The following ZNF343 variants were observed in gnomAD, a reference collection of about 807,000 sequenced individuals.
ZNF343 encodes zinc finger protein 343.
In ZNF343, 11 loss-of-function variants were observed where a neutral mutation model predicts 13.8. The observed-to-expected ratio is 0.80, with a 90% CI of 0.50 to 1.32. The LOEUF (loss-of-function observed/expected upper bound fraction) is 1.32, where lower values mean the gene tolerates loss of function less well. Among genes scored for constraint, ZNF343 ranks in the 40% most tolerant of loss-of-function variants. ZNF343 has a pLI of 0.00. For synonymous variants in ZNF343, 248 were observed against 260.0 expected, an observed-to-expected ratio of 0.95 and a Z score of 0.44; for missense variants, 658 against 714.2, an observed-to-expected ratio of 0.92 and a Z score of 0.90.
At chr20:2,510,922 G>C (rs531458878), upstream of ZNF343, among the ~76,000 whole-genome samples, 2 of 152,208 alleles carry the variant, frequency 1.3e-5, no homozygotes, top group Non-Finnish European at 2.9e-5. Context: ...GGAAGGAGGT[G>C]ATTGGTTAGG....
chr20:2,523,438 C>T (rs2085791057), intron 1 of ZNF343, among the ~76,000 whole-genome samples: 1 of 152,018 alleles, frequency 6.6e-6, no homozygotes, highest in Non-Finnish European at 1.5e-5. Context: ...TATGGACTCG[C>T]AGGGAATTCT....
rs138300695 is a variant in ZNF343, at chr20:2,503,843, C to T, written c.-236-3101G>A. Among the ~76,000 whole-genome samples, 1,168 of 151,870 alleles carry T rather than the reference C, an allele frequency of 7.7e-3. 19 individuals are homozygous for T. The highest frequency in any genetic ancestry group is 0.026 in the African/African-American group (1,066 of 41,402). On this transcript the variant is annotated intron_variant, in intron 1 of 5. Transcript: ENST00000278772. ...AGGGAAATTTATAGCACTAAATGCC[C>T]ACAAGAGAAAGCAGGAAAAATCTAA...
chr20:2,492,703 TGA>T lies in ZNF343; in HGVS notation c.298_299del (p.Ser100IlefsTer47). 1 of 1,610,958 alleles carries T rather than the reference TGA, an allele frequency of 6.2e-7. No individual in the cohort carries two copies. Among genetic ancestry groups the T allele is most frequent in the Non-Finnish European group, 8.5e-7 (1 of 1,179,208 alleles). Reference protein sequence around the residue: ...VMLENYRNLLSLAEPKPEIYT... With the variant: ...VMLENYRNLLXLAEPKPEIYT... ...AAGGAAAGAACACAGCCTTACCCAA[TGA>T]GAGAAGATTCCTGTAATTCTCCAGC... On this transcript the variant is annotated frameshift_variant, in exon 5 of 6. Transcript: ENST00000278772. LOFTEE classifies it low-confidence loss of function (END_TRUNC).
chr20:2,487,011 TC>T (rs949532738), intron 5 of ZNF343, among the ~76,000 whole-genome samples: 1 of 152,172 alleles, frequency 6.6e-6, no homozygotes, highest in Non-Finnish European at 1.5e-5. Context: ...AATTCATTGT[TC>T]CAAAAAAACT....
intron 5 of ZNF343, chr20:2,491,895 C>A (rs1009498718): frequency 1.3e-5 from 2 of 152,022 alleles, no homozygotes; most frequent in African/African-American, 4.8e-5. Flanking sequence ...CACTCTGTCA[C>A]CAGGCTGGAG....
chr20:2,493,977 T>C lies in ZNF343; in HGVS notation c.-82A>G, dbSNP rs949592160. ...GTTATTTCATCTCAAGATGGAGTTCTGCTGCCTGTGGTGACTTCTTCCAAC... is the reference window on the plus strand; with the variant it reads ...GTTATTTCATCTCAAGATGGAGTTCCGCTGCCTGTGGTGACTTCTTCCAAC... On this transcript the variant is annotated 5_prime_UTR_variant, in exon 3 of 6. Transcript: ENST00000278772. The C allele has an allele frequency of 2.1e-6, 2 of 965,594 alleles. No individual in the cohort carries two copies. The highest frequency in any genetic ancestry group is 3.2e-5 in the African/African-American group (2 of 62,094). The allele number at this position is 965,594 out of a possible 1,614,324, so 59.8% of individuals were successfully genotyped here. A position where few individuals can be genotyped will look rare whatever the true frequency, so the allele number is the denominator to read the frequency against.
Position 2,508,409 on chromosome 20 carries a change from C to G in ZNF343, c.-237+472G>C, listed in dbSNP as rs1353447486. ...CAAAAAACAGAAAAACTCGGTGATG[C>G]AGGACTCAAGACGCTCCCCAGCCAA... is the stretch of plus-strand genomic sequence containing the variant. On this transcript the variant is annotated intron_variant, in intron 1 of 5. Transcript: ENST00000278772. The surrounding 1 kb of genome is among the most constrained non-coding windows in gnomAD (Gnocchi z 4.5). Among the ~76,000 whole-genome samples the G allele has an allele frequency of 1.3e-5, 2 of 152,026 alleles. No homozygotes were observed. Among genetic ancestry groups the G allele is most frequent in the Admixed American group, 6.6e-5 (1 of 15,264 alleles).
upstream of ZNF343, among the ~76,000 whole-genome samples, chr20:2,510,919 G>T (rs1339494018): frequency 1.3e-5 from 2 of 152,120 alleles, no homozygotes; most frequent in African/African-American, 4.8e-5. Context: ...ACAGGAAGGA[G>T]GTGATTGGTT....
chr20:2,492,905 A>G, intron 4 of ZNF343, 80 bp from the exon 5 acceptor site: 1 of 1,581,716 alleles, frequency 6.3e-7, no homozygotes, highest in Non-Finnish European at 8.5e-7. Context: ...GTGACCCTGG[A>G]GAGCCTGGAT....
upstream of ZNF343, among the ~76,000 whole-genome samples, chr20:2,513,336 C>A (rs2085746243): frequency 6.6e-6 from 1 of 152,064 alleles, no homozygotes; most frequent in Non-Finnish European, 1.5e-5. Flanking sequence ...TAACTGCATA[C>A]AAAACAGCCA....
chr20:2,509,763 A>ACCTTCAGC (rs1378484996), upstream of ZNF343, among the ~76,000 whole-genome samples: 1 of 152,212 alleles, frequency 6.6e-6, no homozygotes, highest in Non-Finnish European at 1.5e-5. Flanking sequence ...TGCAGATCAG[A>ACCTTCAGC]CCTTCAGCTC....
At position 2,500,686 on chromosome 20, in the gene ZNF343, CT is replaced by C. The variant is rs2085547065; in HGVS notation, c.-181del. ...AGGAAGTTCTCGGGAGCACAGAAGT[CT>C]TTCCTTTCTCAAGAGATCGTCCTCT... On this transcript the variant is annotated 5_prime_UTR_variant, in exon 2 of 6. Coordinates refer to ENST00000278772, the MANE Select transcript of ZNF343 (RefSeq NM_024325.6). 6.6e-6 allele frequency: 1 copy of C among 152,206 alleles called. No homozygotes were observed. Among genetic ancestry groups the C allele is most frequent in the Non-Finnish European group, 1.5e-5 (1 of 68,060 alleles). The allele number at this position is 152,206 out of a possible 1,614,324, so 9.4% of individuals were successfully genotyped here.
chr20:2,508,081 C>T lies in ZNF343; in HGVS notation c.-237+800G>A, dbSNP rs1002051878. Among the ~76,000 whole-genome samples, 3 of 152,148 alleles carry T rather than the reference C, an allele frequency of 2.0e-5. No individual in the cohort carries two copies. Among genetic ancestry groups the T allele is most frequent in the South Asian group, 4.1e-4 (2 of 4,822 alleles). On this transcript the variant is annotated intron_variant, in intron 1 of 5. Transcript: ENST00000278772. This position sits in a 1 kb window ranked among gnomAD's most constrained non-coding sequence, Gnocchi z 4.5. ...AGGGGGCACCTCCCACATGACACACCTTGAGACAACAGGTCCCAGAGAAAA... is the reference window on the plus strand; with the variant it reads ...AGGGGGCACCTCCCACATGACACACTTTGAGACAACAGGTCCCAGAGAAAA...
At chr20:2,488,489 C>A (rs1473047632) in intron 5 of ZNF343, among the ~76,000 whole-genome samples, 1 of 152,042 alleles carries the variant, frequency 6.6e-6, no homozygotes, top group African/African-American at 2.4e-5. Context: ...TGGGCCAGCA[C>A]CACAATGTTT....
At chr20:2,489,874 C>G (rs1409971065) in intron 5 of ZNF343, among the ~76,000 whole-genome samples, 1 of 151,896 alleles carries the variant, frequency 6.6e-6, no homozygotes, top group African/African-American at 2.4e-5. Context: ...GAGACTCGGG[C>G]CGGGCTATGG....
intron 1 of ZNF343, among the ~76,000 whole-genome samples, chr20:2,504,181 A>G (rs1428063298): frequency 6.6e-6 from 1 of 152,194 alleles, no homozygotes; most frequent in African/African-American, 2.4e-5. Flanking sequence ...TACTATAAAC[A>G]CCTCTACGCA....
chr20:2,517,365 T>C (rs1257984619), intron 1 of ZNF343, among the ~76,000 whole-genome samples: 1 of 77,588 alleles, frequency 1.3e-5, no homozygotes, highest in Non-Finnish European at 2.2e-5. Flanking sequence ...TGTATATGTG[T>C]GTATATATAT....
At chr20:2,505,253 G>A (rs763955713) in intron 1 of ZNF343, among the ~76,000 whole-genome samples, 10 of 152,194 alleles carry the variant, frequency 6.6e-5, no homozygotes, top group Non-Finnish European at 1.3e-4. Flanking sequence ...CAAGGGACGT[G>A]AAGGACCTCT....
At chr20:2,515,579 A>G (rs2085755756) in intron 1 of ZNF343, among the ~76,000 whole-genome samples, 1 of 152,238 alleles carries the variant, frequency 6.6e-6, no homozygotes, top group Non-Finnish European at 1.5e-5. Context: ...CTTGAGACAC[A>G]TGTATGTCCT....
Sources: gnomAD v4.1 joint callset for allele counts (sites outside exome capture counted in the v4.1 genomes callset) on GRCh38, gnomAD v4.1.1 for gene constraint, Gnocchi (gnomAD v3.1) non-coding constraint, MANE v1.5 for transcripts, NCBI Gene and HGNC (gene_info 2026-07-23, HGNC 2026-07-21) for gene names.